Variants in COL25A1 observed in about 807,000 individuals in gnomAD.
COL25A1 encodes the protein collagen type XXV alpha 1 chain, also known as collagen alpha-1(XXV) chain.
A neutral mutation model predicts 128.4 loss-of-function variants in COL25A1; 103 were observed. That is an observed-to-expected ratio of 0.80 (90% confidence interval 0.68 to 0.94). The LOEUF (loss-of-function observed/expected upper bound fraction) is 0.94. Ranked by LOEUF, COL25A1 falls within the 40% of genes least tolerant of loss-of-function variation. The pLI is 0.00. For synonymous variants in COL25A1, 279 were observed against 277.2 expected (o/e 1.01, Z -0.06); for missense variants, 745 against 840.0 (o/e 0.89, Z 1.40).
chr4:109,217,462 T>C (rs1278317081), intron 3 of COL25A1, among the ~76,000 whole-genome samples: 3 of 152,132 alleles, frequency 2.0e-5, no homozygotes, highest in Non-Finnish European at 2.9e-5. Context: ...GATAAGTCTT[T>C]TAAGTCTAAA....
intron 20 of COL25A1, among the ~76,000 whole-genome samples, chr4:108,864,264 T>A (rs1737614548): frequency 1.3e-5 from 2 of 152,194 alleles, no homozygotes; most frequent in Admixed American, 6.5e-5. Flanking sequence ...AAGATAGGAA[T>A]GAATATCCAT....
intron 3 of COL25A1, among the ~76,000 whole-genome samples, chr4:109,169,443 A>G (rs1773382671): frequency 6.6e-6 from 1 of 152,196 alleles, no homozygotes; most frequent in Non-Finnish European, 1.5e-5. Flanking sequence ...TGTAGCTTAC[A>G]TAATCTTTGA....
At chr4:109,124,625 CTTAA>C (rs1222009906) in intron 3 of COL25A1, among the ~76,000 whole-genome samples, 5 of 151,800 alleles carry the variant, frequency 3.3e-5, no homozygotes, top group Non-Finnish European at 7.4e-5. Context: ...TTTAATTAAA[CTTAA>C]TTAAATAATT....
At chr4:108,969,696 T>C (rs1751709693) in intron 8 of COL25A1, among the ~76,000 whole-genome samples, 1 of 152,130 alleles carries the variant, frequency 6.6e-6, no homozygotes, top group Non-Finnish European at 1.5e-5. Flanking sequence ...TATGTGTCCT[T>C]GCCTCCAATG....
chr4:109,017,450 C>T (rs1299208499), intron 5 of COL25A1, among the ~76,000 whole-genome samples: 1 of 152,238 alleles, frequency 6.6e-6, no homozygotes, highest in Non-Finnish European at 1.5e-5. Flanking sequence ...GGAAAAGTGA[C>T]ACCCAAAGGA....
chr4:109,221,191 A>AT (rs953240847), intron 3 of COL25A1, among the ~76,000 whole-genome samples: 170 of 152,148 alleles, frequency 1.1e-3, no homozygotes, highest in African/African-American at 4.0e-3. Context: ...GTACTAAACA[A>AT]TATGGGATGA....
chr4:108,919,575 C>T (rs1192197345), intron 12 of COL25A1, among the ~76,000 whole-genome samples: 2 of 152,026 alleles, frequency 1.3e-5, no homozygotes, highest in Non-Finnish European at 2.9e-5. Flanking sequence ...TGTTATAATA[C>T]AATTGTTTTC....
intron 5 of COL25A1, among the ~76,000 whole-genome samples, chr4:109,017,032 C>A (rs752166100): frequency 3.3e-5 from 5 of 152,202 alleles, no homozygotes; most frequent in Admixed American, 6.5e-5. Context: ...CTAGGGACTC[C>A]CTGAGCCAGG....
At chr4:109,209,607 C>T (rs549933730) in intron 3 of COL25A1, among the ~76,000 whole-genome samples, 1 of 152,172 alleles carries the variant, frequency 6.6e-6, no homozygotes, top group Non-Finnish European at 1.5e-5. Flanking sequence ...AAATTTCCCT[C>T]ACTTTATTTT....
At chr4:109,136,708 A>T (rs555557269) in intron 3 of COL25A1, among the ~76,000 whole-genome samples, 1 of 152,180 alleles carries the variant, frequency 6.6e-6, no homozygotes, top group Non-Finnish European at 1.5e-5. Flanking sequence ...AATGTAAGCC[A>T]TGTGTGGCGG....
At position 109,194,708 on chromosome 4, in the gene COL25A1, G is replaced by A. The variant is rs561492252; in HGVS notation, c.367+105875C>T. Among the ~76,000 whole-genome samples, 357 of 152,092 alleles carry A rather than the reference G, an allele frequency of 2.3e-3. 1 individual carries two copies. The highest frequency in any genetic ancestry group is 7.7e-3 in the African/African-American group (319 of 41,490). ...GAATATGAAAATAAGTTATAATCTCGTGGTAGATTGTATTAATGGCCCCCG... is the reference window on the plus strand; with the variant it reads ...GAATATGAAAATAAGTTATAATCTCATGGTAGATTGTATTAATGGCCCCCG... On this transcript the variant is annotated intron_variant, in intron 3 of 37. Transcript: ENST00000399132.
In COL25A1 at chr4:108,817,389, A is replaced by G. The variant is rs1210766017; in HGVS notation, c.1962+8T>C. On this transcript the variant is annotated splice_region_variant and intron_variant, in intron 37 of 37. Transcript: ENST00000399132. ...GCTTCTTTTGAGAAATTATTCAGTAAAGCCTACCTTTTGCCAACAGCCAGG... is the reference window on the plus strand; with the variant it reads ...GCTTCTTTTGAGAAATTATTCAGTAGAGCCTACCTTTTGCCAACAGCCAGG... 6.2e-7 allele frequency: 1 copy of G among 1,613,072 alleles called. No individual in the cohort carries two copies. The highest frequency in any genetic ancestry group is 8.5e-7 in the Non-Finnish European group (1 of 1,179,302).
intron 3 of COL25A1, among the ~76,000 whole-genome samples, chr4:109,093,904 CAA>C (rs201316986): frequency 1.4e-5 from 2 of 141,850 alleles, no homozygotes; most frequent in East Asian, 4.0e-4. Context: ...TTTCTCACTG[CAA>C]AAAAAAAAAG....
chr4:109,151,497 T>C (rs1771502275), intron 3 of COL25A1, among the ~76,000 whole-genome samples: 1 of 152,144 alleles, frequency 6.6e-6, no homozygotes, highest in South Asian at 2.1e-4. Context: ...AAGGCATATA[T>C]AATGCCAGTA....
chr4:108,844,939 G>C (rs1027218456), intron 29 of COL25A1, among the ~76,000 whole-genome samples: 2 of 152,180 alleles, frequency 1.3e-5, no homozygotes, highest in Non-Finnish European at 2.9e-5. Context: ...CCATTGTTAG[G>C]AGAAAACCAT....
At chr4:108,997,258 T>TCC (rs1173825007) in intron 6 of COL25A1, among the ~76,000 whole-genome samples, 1 of 150,970 alleles carries the variant, frequency 6.6e-6, no homozygotes, top group East Asian at 1.9e-4. Flanking sequence ...GAGAGAAGAA[T>TCC]CAAATAGATG....
Position 108,859,690 on chromosome 4 carries a change from A to G in COL25A1, c.1286T>C (p.Ile429Thr), listed in dbSNP as rs968653909. Residue 429 changes from isoleucine (I) to threonine (T), a missense_variant, in exon 24 of 38, where the codon ATA (isoleucine) becomes ACA (threonine). Ile to Thr is a moderately conservative substitution (Grantham distance 89, BLOSUM62 -1). Around this residue, in one of 3 missense-constraint regions of COL25A1, gnomAD observed 387 missense variants for 441.9 expected, o/e 0.88. Coordinates refer to ENST00000399132, the MANE Select transcript of COL25A1 (RefSeq NM_198721.4). ...QKGDQGATEI[I>T]DYNGNLHEAL... Reference sequence around the variant, plus strand: ...TTCGTGGAGGTTGCCGTTGTAGTCTATGATCTCAGTGGCTCCTTGATCCCC... The same window carrying G: ...TTCGTGGAGGTTGCCGTTGTAGTCTGTGATCTCAGTGGCTCCTTGATCCCC... 1.2e-6 allele frequency: 2 copies of G among 1,613,704 alleles called. No individual in the cohort carries two copies. Among genetic ancestry groups the G allele is most frequent in the African/African-American group, 1.3e-5 (1 of 74,886 alleles).
chr4:109,016,020 T>G (rs1295179298), intron 5 of COL25A1, among the ~76,000 whole-genome samples: 1 of 152,138 alleles, frequency 6.6e-6, no homozygotes, highest in African/African-American at 2.4e-5. Flanking sequence ...ACTGAGTTGG[T>G]GGGGTGGGTG....
intron 8 of COL25A1, among the ~76,000 whole-genome samples, chr4:108,969,359 C>G (rs207464947): frequency 6.6e-6 from 1 of 152,152 alleles, no homozygotes; most frequent in Non-Finnish European, 1.5e-5. Context: ...TGCTGATATA[C>G]GCCTAGATGC....
Sources: gnomAD v4.1 joint callset for allele counts (sites outside exome capture counted in the v4.1 genomes callset) on GRCh38, gnomAD v4.1.1 for gene constraint, gnomAD v4.1.1 regional missense constraint, MANE v1.5 for transcripts, NCBI Gene and HGNC (gene_info 2026-07-23, HGNC 2026-07-21) for gene names.